Variants in TET1 observed in about 807,000 individuals in gnomAD.
TET1 encodes the protein methylcytosine dioxygenase TET1.
In TET1, 13 loss-of-function variants were observed where a neutral mutation model predicts 148.7. The ratio of observed to expected loss-of-function variants is 0.09; its 90% CI spans 0.06 to 0.14. The LOEUF is 0.14. TET1 is among the 10% of genes least tolerant of loss of function. TET1 has a pLI of 1.00. For synonymous variants in TET1, 907 were observed against 937.2 expected (o/e 0.97, Z 0.59); for missense variants, 2,182 against 2,553.8 (o/e 0.85, Z 3.14).
intron 3 of TET1, among the ~76,000 whole-genome samples, chr10:68,603,833 CA>C (rs1348853482): frequency 6.6e-6 from 1 of 152,118 alleles, no homozygotes; most frequent in African/African-American, 2.4e-5. Context: ...TATTGTACTT[CA>C]AAATTAAAAA....
chr10:68,645,266 A>G lies in TET1; in HGVS notation c.2537A>G (p.His846Arg), dbSNP rs200544824. 38 of 1,614,134 alleles carry G rather than the reference A, an allele frequency of 2.4e-5. No individual in the cohort carries two copies. In the Admixed American group the frequency reaches 4.5e-4, roughly 19 times the overall value. Reference sequence around the variant, plus strand: ...TCTTCACACTCCATCATAAATCATCATGCTAGTATACACAATGAAGGTGAT... The same window carrying G: ...TCTTCACACTCCATCATAAATCATCGTGCTAGTATACACAATGAAGGTGAT... Reference protein sequence around the residue: ...PHSSHSIINHHASIHNEGDQP... With the variant: ...PHSSHSIINHRASIHNEGDQP... The change falls in exon 4 of 12, where the codon CAT becomes CGT. Residue 846 changes from histidine (H) to arginine (R), a missense_variant. Transcript: ENST00000373644.
At position 68,686,510 on chromosome 10, in the gene TET1, T is replaced by C; in HGVS notation, c.5207T>C (p.Val1736Ala). The change falls in exon 11 of 12, where the codon GTC becomes GCC. Residue 1736 changes from valine to alanine, a missense_variant. Physicochemically the swap from Val to Ala is moderately conservative, Grantham distance 64. Transcript: ENST00000373644. ...EAKIKSGAIEVLAPRRKKRTC... is the reference protein window; with the variant it reads ...EAKIKSGAIEALAPRRKKRTC... ...AAGATCAAATCTGGGGCCATCGAGG[T>C]CCTGGCACCCCGCCGCAAAAAAAGA... 1 of 1,613,976 alleles carries C rather than the reference T, an allele frequency of 6.2e-7. No individual in the cohort carries two copies. The highest frequency in any genetic ancestry group is 8.5e-7 in the Non-Finnish European group (1 of 1,180,008).
chr10:68,644,715 A>T lies in TET1; in HGVS notation c.1986A>T (p.Lys662Asn). ...PKVLKADFDNKPVNGPKSESM... is the reference protein window; with the variant it reads ...PKVLKADFDNNPVNGPKSESM... ...TTTTACAGGCAGATTTTGACAACAA[A>T]CCAGTAAATGGCCCCAAGTCAGAAT... The change falls in exon 4 of 12, where the codon AAA (lysine) becomes AAT (asparagine). Residue 662 changes from lysine (K) to asparagine (N), a missense_variant. By Grantham distance (94) the Lys-to-Asn change is moderately conservative (BLOSUM62 0). Transcript: ENST00000373644. 6.4e-7 allele frequency: 1 copy of T among 1,567,062 alleles called. No homozygotes were observed. Among genetic ancestry groups the T allele is most frequent in the Non-Finnish European group, 8.6e-7 (1 of 1,159,956 alleles).
chr10:68,575,517 A>G (rs1311340473), intron 2 of TET1, among the ~76,000 whole-genome samples: 1 of 151,116 alleles, frequency 6.6e-6, no homozygotes, highest in African/African-American at 2.4e-5. Flanking sequence ...CGAGACCAAC[A>G]TGGGGTGAAA....
chr10:68,651,739 A>T, intron 4 of TET1, 107 bp from the exon 5 acceptor site: 2 of 672,922 alleles, frequency 3.0e-6, no homozygotes, highest in Non-Finnish European at 2.3e-6. Flanking sequence ...CCTTGTCAAG[A>T]TTCATGGTTC....
At chr10:68,642,724 C>G (rs1392374364) in intron 3 of TET1, among the ~76,000 whole-genome samples, 1 of 152,092 alleles carries the variant, frequency 6.6e-6, no homozygotes, top group African/African-American at 2.4e-5. Flanking sequence ...CCTGCCTCAG[C>G]CTCCTGAGTA....
chr10:68,588,353 C>A (rs183321625), intron 2 of TET1, among the ~76,000 whole-genome samples: 3 of 152,308 alleles, frequency 2.0e-5, no homozygotes, highest in Admixed American at 1.3e-4. Context: ...TACAATCTTA[C>A]AACAATCGTA....
At chr10:68,690,537 C>A (rs879741906) in intron 11 of TET1, among the ~76,000 whole-genome samples, 2 of 152,150 alleles carry the variant, frequency 1.3e-5, no homozygotes, top group African/African-American at 4.8e-5. Flanking sequence ...GAGCCGAGAT[C>A]GTGCCACTGC....
intron 3 of TET1, among the ~76,000 whole-genome samples, chr10:68,611,794 G>A (rs1335381462): frequency 7.2e-6 from 1 of 138,652 alleles, no homozygotes; most frequent in African/African-American, 2.7e-5. Flanking sequence ...CTGCCTCCTG[G>A]ATTCAAGTGA....
chr10:68,656,407 C>T (rs1422791258), intron 6 of TET1, among the ~76,000 whole-genome samples: 1 of 152,006 alleles, frequency 6.6e-6, no homozygotes, highest in Non-Finnish European at 1.5e-5. Context: ...GGACTACAGG[C>T]GCCTGCCACC....
chr10:68,591,378 G>A (rs528880802), intron 2 of TET1, among the ~76,000 whole-genome samples: 4 of 152,218 alleles, frequency 2.6e-5, no homozygotes, highest in Middle Eastern at 3.4e-3. Context: ...CAGTGTCCTC[G>A]AACATAGCTG....
chr10:68,574,191 T>A lies in TET1; in HGVS notation c.1853T>A (p.Ile618Asn). The A allele has an allele frequency of 6.2e-7, 1 of 1,613,564 alleles. No individual in the cohort carries two copies. The highest frequency in any genetic ancestry group is 2.2e-5 in the East Asian group (1 of 44,876). ...YCKNRKNSHQ[I>N]CKKRKCEELK... is the part of the protein sequence containing the mutation. ...AAGAACAGAAAGAACAGCCATCAGA[T>A]CTGTAAGAAAAGAAAATGTGAGGAG... Residue 618 changes from isoleucine (I) to asparagine (N), a missense_variant, in exon 2 of 12, where the codon ATC becomes AAC. Ile to Asn is a moderately radical substitution (Grantham distance 149). Transcript: ENST00000373644.
intron 1 of TET1, among the ~76,000 whole-genome samples, chr10:68,566,167 A>T (rs901984228): frequency 6.6e-6 from 1 of 152,236 alleles, no homozygotes; most frequent in Admixed American, 6.5e-5. Flanking sequence ...GCATACCCAG[A>T]TTACTTGCCT....
intron 6 of TET1, among the ~76,000 whole-genome samples, chr10:68,657,451 C>T (rs577655823): frequency 6.6e-6 from 1 of 152,274 alleles, no homozygotes; most frequent in East Asian, 1.9e-4. Context: ...GCGGGGATTA[C>T]AGGCGTAAGC....
chr10:68,660,426 A>G (rs12265479), intron 6 of TET1, among the ~76,000 whole-genome samples: 26,478 of 142,452 alleles, frequency 0.19, 2,987 homozygotes, highest in African/African-American at 0.32. Context: ...TGCGACCACC[A>G]TCTCCTGGTT....
intron 11 of TET1, among the ~76,000 whole-genome samples, chr10:68,689,558 A>T (rs1432298921): frequency 6.6e-6 from 1 of 151,972 alleles, no homozygotes; most frequent in Non-Finnish European, 1.5e-5. Flanking sequence ...AAAATTAGCC[A>T]GGCGTGGTGG....
In TET1 at chr10:68,573,656, A is replaced by G. The variant is rs778059839; in HGVS notation, c.1318A>G (p.Ile440Val). The G allele has an allele frequency of 4.3e-5, 69 of 1,614,010 alleles. No homozygotes were observed. The highest frequency in any genetic ancestry group is 1.6e-4 in the Middle Eastern group (1 of 6,062). Residue 440 changes from isoleucine (I) to valine (V), a missense_variant, in exon 2 of 12, where the codon ATT (isoleucine) becomes GTT (valine). By Grantham distance (29) the Ile-to-Val change is conservative. Transcript: ENST00000373644. ...CTTCCTTCCTGTTCCTCCAAATCCA[A>G]TTGCTACCTTTAATGCTCCTTCCAA... ...PVFLPVPPNP[I>V]ATFNAPSKWP... is the part of the protein sequence containing the mutation.
chr10:68,622,053 T>C (rs1342792497), intron 3 of TET1, among the ~76,000 whole-genome samples: 1 of 152,212 alleles, frequency 6.6e-6, no homozygotes, highest in Non-Finnish European at 1.5e-5. Flanking sequence ...AAAACTAAGA[T>C]GTTAACAATA....
chr10:68,613,563 T>C (rs1332298289), intron 3 of TET1, among the ~76,000 whole-genome samples: 7 of 152,186 alleles, frequency 4.6e-5, no homozygotes, highest in Admixed American at 4.6e-4. Context: ...AAAGAATGCC[T>C]TAATCATTGG....
Sources: gnomAD v4.1 joint callset for allele counts (sites outside exome capture counted in the v4.1 genomes callset) on GRCh38, gnomAD v4.1.1 for gene constraint, MANE v1.5 for transcripts, NCBI Gene and HGNC (gene_info 2026-07-23, HGNC 2026-07-21) for gene names.